The following TEX11 variants were observed in gnomAD, a reference collection of about 807,000 sequenced individuals.
TEX11 encodes the protein testis-expressed protein 11.
A neutral mutation model predicts 84.4 loss-of-function variants in TEX11; 7 were observed. The ratio of observed to expected loss-of-function variants is 0.08; its 90% CI spans 0.05 to 0.16. TEX11 has a LOEUF of 0.16. Among genes scored for constraint, TEX11 ranks in the 10% least tolerant of loss-of-function variants. The pLI is 1.00. For missense variants in TEX11, 551 were observed against 660.5 expected, an observed-to-expected ratio of 0.83 and a Z score of 1.82; for synonymous variants, 264 against 222.8, an observed-to-expected ratio of 1.18 and a Z score of -1.64.
rs187228740 is a variant in TEX11, at chrX:70,764,013, T to A, written c.693-19794A>T. Among the ~76,000 whole-genome samples, 199 of 112,177 alleles carry A rather than the reference T, an allele frequency of 1.8e-3. 2 individuals are homozygous for A. The highest frequency in any genetic ancestry group is 6.2e-3 in the African/African-American group (191 of 30,921). ...TAATGGATATTTACAGAACATTTCA[T>A]CCAACAGCTGCAGAATACACATTCT... On this transcript the variant is annotated intron_variant, in intron 9 of 29. Coordinates refer to ENST00000374333, the MANE Select transcript of TEX11 (RefSeq NM_031276.3).
At chrX:70,652,087 T>G (rs1034383949) in intron 16 of TEX11, among the ~76,000 whole-genome samples, 30 of 110,853 alleles carry the variant, frequency 2.7e-4, no homozygotes, top group African/African-American at 9.5e-4. Context: ...AAACTGCAAA[T>G]AAAGTTACCT....
At chrX:70,771,196 T>C (rs1373353468) in intron 9 of TEX11, among the ~76,000 whole-genome samples, 1 of 112,758 alleles carries the variant, frequency 8.9e-6, no homozygotes, top group African/African-American at 3.2e-5. Context: ...CAGAGCTCCC[T>C]TTCTCTGCAT....
Position 70,750,933 on chromosome X carries a change from A to AATATATATATAT in TEX11, c.693-6726_693-6715dup, listed in dbSNP as rs1169707708. 8.4e-3 allele frequency among the ~76,000 whole-genome samples: 237 copies of AATATATATATAT among 28,137 alleles called. 7 individuals carry two copies. Among genetic ancestry groups the AATATATATATAT allele is most frequent in the South Asian group, 0.015 (6 of 394 alleles). The allele number at this position is 28,137 out of a possible 115,157, so 24.4% of individuals were successfully genotyped here. A position where few individuals can be genotyped will look rare whatever the true frequency, so the allele number is the denominator to read the frequency against. ...ACTTAAAGTATAATAAAAAAAAAAA[A>AATATATATATAT]ATATATATATATATATATATATATA... On this transcript the variant is annotated intron_variant, in intron 9 of 29. Coordinates refer to ENST00000374333, the MANE Select transcript of TEX11 (RefSeq NM_031276.3).
chrX:70,629,591 G>A lies in TEX11; in HGVS notation c.1608+20C>T, dbSNP rs2089485954. 2 of 1,203,854 alleles carry A rather than the reference G, an allele frequency of 1.7e-6. No individual in the cohort carries two copies. Among genetic ancestry groups the A allele is most frequent in the African/African-American group, 1.7e-5 (1 of 57,465 alleles). On this transcript the variant is annotated intron_variant, in intron 18 of 29. Coordinates refer to ENST00000374333, the MANE Select transcript of TEX11 (RefSeq NM_031276.3). ...AAGGAAAAGGGATAAAAATCTAGTAGATGAATACATATGAATTACCTCTAG... is the reference window on the plus strand; with the variant it reads ...AAGGAAAAGGGATAAAAATCTAGTAAATGAATACATATGAATTACCTCTAG...
chrX:70,699,735 GTCATCA>G, intron 13 of TEX11, among the ~76,000 whole-genome samples: 1 of 110,170 alleles, frequency 9.1e-6, no homozygotes, highest in South Asian at 3.9e-4. Flanking sequence ...TCTGTTTATG[GTCATCA>G]TCATCATCAT....
At chrX:70,728,721 G>T (rs986397307) in intron 11 of TEX11, among the ~76,000 whole-genome samples, 2 of 104,899 alleles carry the variant, frequency 1.9e-5, no homozygotes, top group African/African-American at 7.0e-5. Context: ...TGCCTCTGTA[G>T]ACTCCACCTC....
chrX:70,605,515 C>T lies in TEX11; in HGVS notation c.1953G>A (p.Met651Ile), dbSNP rs769530525. 11 of 1,169,778 alleles carry T rather than the reference C, an allele frequency of 9.4e-6. No homozygotes were observed. The South Asian group carries it at 2.0e-4, about 21-fold the overall frequency. ...CTTGATCAGAAGGACAAAACTGGGA[C>T]ATCTGATAAGAAGTAACCAGAACAT... ...MREFFILSYK[M>I]SQFCPSDQVI... is the part of the protein sequence containing the mutation. The change falls in exon 24 of 30, where the codon ATG becomes ATA. Residue 651 changes from methionine to isoleucine, a missense_variant and splice_region_variant. Physicochemically the swap from Met to Ile is conservative, Grantham distance 10 (BLOSUM62 1). Coordinates refer to ENST00000374333, the MANE Select transcript of TEX11 (RefSeq NM_031276.3).
intron 9 of TEX11, among the ~76,000 whole-genome samples, chrX:70,791,322 AAT>A (rs2091116790): frequency 8.9e-6 from 1 of 112,191 alleles, no homozygotes; most frequent in African/African-American, 3.2e-5. Flanking sequence ...AATTATCCTA[AAT>A]ATATATACAC....
intron 28 of TEX11, among the ~76,000 whole-genome samples, chrX:70,540,541 GAGAT>G (rs748141158): frequency 9.0e-6 from 1 of 111,439 alleles, no homozygotes; most frequent in African/African-American, 3.3e-5. Context: ...TTGTCTGAAA[GAGAT>G]AGACACTTTT....
intron 20 of TEX11, 24 bp downstream of exon 20, chrX:70,623,926 A>G: frequency 8.5e-7 from 1 of 1,175,445 alleles, no homozygotes; most frequent in Non-Finnish European, 1.2e-6. Flanking sequence ...TGGGGAATAC[A>G]TCATTTTTGT....
chrX:70,908,015 T>G (rs1466325306), intron 1 of TEX11, among the ~76,000 whole-genome samples: 2 of 111,449 alleles, frequency 1.8e-5, no homozygotes, highest in East Asian at 5.6e-4. Flanking sequence ...ACCATAAGTC[T>G]GCCTGGCAAC....
chrX:70,898,852 G>C (rs926590233), intron 2 of TEX11, among the ~76,000 whole-genome samples: 3 of 111,262 alleles, frequency 2.7e-5, no homozygotes, highest in Admixed American at 1.9e-4. Flanking sequence ...TGATCCACCA[G>C]CCTCGGCCTC....
chrX:70,545,992 C>T (rs2088117525), intron 28 of TEX11, among the ~76,000 whole-genome samples: 2 of 112,061 alleles, frequency 1.8e-5, no homozygotes, highest in Non-Finnish European at 3.8e-5. Flanking sequence ...TTAAGCAAGG[C>T]ATGTAGTGTT....
intron 7 of TEX11, 30 bp downstream of exon 7, chrX:70,853,004 C>T (rs1454522791): frequency 1.7e-6 from 2 of 1,197,678 alleles, no homozygotes; most frequent in South Asian, 1.8e-5. Flanking sequence ...AAATGCCCCA[C>T]TGGAAGACCC....
At chrX:70,671,800 A>G (rs1399460528) in intron 15 of TEX11, among the ~76,000 whole-genome samples, 1 of 104,582 alleles carries the variant, frequency 9.6e-6, no homozygotes, top group South Asian at 4.5e-4. Flanking sequence ...AACCTACCAT[A>G]ACATTTTTTG....
intron 2 of TEX11, among the ~76,000 whole-genome samples, chrX:70,899,506 T>C (rs2091790558): frequency 9.0e-6 from 1 of 110,934 alleles, no homozygotes; most frequent in Admixed American, 9.8e-5. Flanking sequence ...ATATTTCTAC[T>C]GGACAGGGCT....
At chrX:70,840,830 C>T (rs1324271856) in intron 7 of TEX11, among the ~76,000 whole-genome samples, 3 of 111,211 alleles carry the variant, frequency 2.7e-5, no homozygotes, top group African/African-American at 9.8e-5. Flanking sequence ...GGTTGCAATC[C>T]TAGTCTCTGC....
At position 70,646,302 on chromosome X, in the gene TEX11, G is replaced by C. The variant is rs576426171; in HGVS notation, c.1483+5148C>G. ...GATTAAAGATTTAAACGTAAGACAT[G>C]AAACTGTAGAACTACTAAAAGAAAA... On this transcript the variant is annotated intron_variant, in intron 17 of 29. Coordinates refer to ENST00000374333, the MANE Select transcript of TEX11 (RefSeq NM_031276.3). Among the ~76,000 whole-genome samples, 39 of 111,974 alleles carry C rather than the reference G, an allele frequency of 3.5e-4. No homozygotes were observed. The South Asian group carries it at 0.014, about 39-fold the overall frequency.
intron 17 of TEX11, among the ~76,000 whole-genome samples, chrX:70,631,004 A>G (rs1032787534): frequency 8.9e-6 from 1 of 112,418 alleles, no homozygotes; most frequent in African/African-American, 3.2e-5. Flanking sequence ...ATTTCAAAAT[A>G]TAAGAAGCAA....
Sources: allele counts gnomAD v4.1 joint callset (sites outside exome capture counted in the v4.1 genomes callset), GRCh38; gene constraint gnomAD v4.1.1; transcripts MANE v1.5; gene names NCBI Gene and HGNC (gene_info 2026-07-23, HGNC 2026-07-21).